FBN3: variants seen among roughly 807,000 people sequenced by gnomAD.
FBN3 encodes the protein fibrillin-3.
FBN3 carries 234 observed loss-of-function variants against 330.1 expected under a neutral mutation model. That is an observed-to-expected ratio of 0.71 (90% confidence interval 0.64 to 0.79). The LOEUF (loss-of-function observed/expected upper bound fraction) is 0.79, where lower values mean the gene tolerates loss of function less well. Ranked by LOEUF, FBN3 falls within the 30% of genes least tolerant of loss-of-function variation. The pLI, the probability that FBN3 is intolerant of heterozygous loss-of-function variation, is 0.00. For synonymous variants in FBN3, 1,458 were observed against 1,517.3 expected (o/e 0.96, Z 0.91); for missense variants, 3,606 against 3,886.9 (o/e 0.93, Z 1.92).
intron 27 of FBN3, 47 bp from the exon 28 acceptor site, chr19:8,117,338 C>T (rs1311382895): frequency 6.6e-7 from 1 of 1,516,244 alleles, no homozygotes; most frequent in East Asian, 2.5e-5. Flanking sequence ...GGGAGGGGTC[C>T]AGGATGGGGA....
At chr19:8,135,650 T>C (rs952163158) in intron 13 of FBN3, among the ~76,000 whole-genome samples, 1 of 151,926 alleles carries the variant, frequency 6.6e-6, no homozygotes, top group Non-Finnish European at 1.5e-5. Context: ...CTCAACCTTT[T>C]CAGCTCAAGA....
At chr19:8,135,936 G>GGGGGGGGGGGGGGGCCGCCCCC in intron 13 of FBN3, 25 bp downstream of exon 13, 1 of 668,778 alleles carries the variant, frequency 1.5e-6, no homozygotes, top group Non-Finnish European at 2.4e-6. Context: ...GGAAGCCCCT[G>GGGGGGGGGGGGGGGCCGCCCCC]CCCACCCGCC....
chr19:8,078,034 C>T (rs2081683579), intron 59 of FBN3, among the ~76,000 whole-genome samples: 1 of 152,074 alleles, frequency 6.6e-6, no homozygotes, highest in African/African-American at 2.4e-5. Context: ...TGAGATTGCA[C>T]CACTGCAATC....
rs755806732 is a variant in FBN3, at chr19:8,083,373, C to T, written c.7088-1G>A. On this transcript the variant is annotated splice_acceptor_variant, in intron 56 of 63. Coordinates refer to ENST00000600128, the MANE Select transcript of FBN3 (RefSeq NM_032447.5). LOFTEE classifies it high-confidence loss of function. ...GCAAGCATACGGCATTCATCTACAT[C>T]TGGGAAAAAGTAGGGTGCAAATGGG... The T allele has an allele frequency of 6.2e-7, 1 of 1,613,906 alleles. No individual in the cohort carries two copies. Among genetic ancestry groups the T allele is most frequent in the Admixed American group, 1.7e-5 (1 of 60,018 alleles).
intron 34 of FBN3, among the ~76,000 whole-genome samples, 188 bp downstream of exon 34, chr19:8,110,657 G>A (rs1228618752): frequency 6.6e-6 from 1 of 152,196 alleles, no homozygotes; most frequent in Non-Finnish European, 1.5e-5. Context: ...TTCAATCACA[G>A]AACTTATTTA....
At position 8,088,131 on chromosome 19, in the gene FBN3, G is replaced by A; in HGVS notation, c.6425C>T (p.Thr2142Ile). Residue 2142 changes from threonine (T) to isoleucine (I), a missense_variant, in exon 52 of 64, where the codon ACC becomes ATC. Physicochemically the swap from Thr to Ile is moderately conservative, Grantham distance 89. Transcript: ENST00000600128. ...ACATTCGAAGCCTCCGATGACATTG[G>A]TGCATGTCCCTTGCCCACAGGGGTG... ...VGHPCGQGTC[T>I]NVIGGFECAC... is the part of the protein sequence containing the mutation. 6.2e-7 allele frequency: 1 copy of A among 1,613,662 alleles called. No individual in the cohort carries two copies. Among genetic ancestry groups the A allele is most frequent in the Non-Finnish European group, 8.5e-7 (1 of 1,179,784 alleles).
At position 8,109,495 on chromosome 19, in the gene FBN3, C is replaced by T. The variant is rs537476746; in HGVS notation, c.4457-107G>A. ...CAGGTGACAAGGACAACCACTCTTG[C>T]AGGAGACCAGCAGATGTCCCGTTTG... On this transcript the variant is annotated intron_variant, in intron 35 of 63. Coordinates refer to ENST00000600128, the MANE Select transcript of FBN3 (RefSeq NM_032447.5). The surrounding 1 kb of genome is among the most constrained non-coding windows in gnomAD (Gnocchi z 5.2). 1.3e-6 allele frequency: 2 copies of T among 1,538,586 alleles called. No individual in the cohort carries two copies. Among genetic ancestry groups the T allele is most frequent in the African/African-American group, 1.4e-5 (1 of 73,856 alleles).
intron 18 of FBN3, among the ~76,000 whole-genome samples, chr19:8,127,059 G>GTTTTTTTTTTTTT (rs869282535): frequency 9.6e-6 from 1 of 103,890 alleles, no homozygotes; most frequent in African/African-American, 3.6e-5. Context: ...TTTTTTTTTT[G>GTTTTTTTTTTTTT]TTTTTTTTTT....
chr19:8,088,251 C>T, intron 51 of FBN3, 72 bp from the exon 52 acceptor site: 1 of 1,514,580 alleles, frequency 6.6e-7, no homozygotes, highest in East Asian at 2.3e-5. Context: ...CATCTGCCTG[C>T]CTGTTGACCA....
At chr19:8,097,054 T>C (rs1166058396) in intron 42 of FBN3, 48 bp from the exon 43 acceptor site, 3 of 1,595,034 alleles carry the variant, frequency 1.9e-6, no homozygotes, top group African/African-American at 2.7e-5. Context: ...AAGCCCATCC[T>C]GACAGAATCA....
chr19:8,136,358 C>T (rs1278463044), intron 11 of FBN3, 30 bp downstream of exon 11: 20 of 1,602,772 alleles, frequency 1.2e-5, no homozygotes, highest in African/African-American at 2.8e-5. Flanking sequence ...CAGTGAGAAC[C>T]GCCCCCCCTT....
At position 8,147,401 on chromosome 19, in the gene FBN3, G is replaced by A; in HGVS notation, c.80C>T (p.Ala27Val). 6.3e-7 allele frequency: 1 copy of A among 1,597,432 alleles called. No homozygotes were observed. The highest frequency in any genetic ancestry group is 8.5e-7 in the Non-Finnish European group (1 of 1,173,544). ...CCCGTCCCAGCGGCCTTGGCCACCT[G>A]CCATGCACAACAGGGCCGACCAGGC... ...LLAWSALLCM[A>V]GGQGRWDGAL... Residue 27 changes from alanine (A) to valine (V), a missense_variant, in exon 2 of 64, where the codon GCA becomes GTA. Ala to Val is a moderately conservative substitution (Grantham distance 64, BLOSUM62 0). Transcript: ENST00000600128.
Position 8,147,463 on chromosome 19 carries a change from C to T in FBN3, c.18G>A (p.Leu6=). Residue 6 remains leucine (L), a synonymous_variant, in exon 2 of 64, where the codon CTG becomes CTA. Coordinates refer to ENST00000600128, the MANE Select transcript of FBN3 (RefSeq NM_032447.5). ...GGGCCAGGGGGCCCCTTGCCAAATA[C>T]AGACCCTCCAGAGTCATGGCGTGTC... MTLEG[L]YLARGPLARL... is the part of the protein sequence containing the mutation. 1 of 1,535,050 alleles carries T rather than the reference C, an allele frequency of 6.5e-7. No individual in the cohort carries two copies. Among genetic ancestry groups the T allele is most frequent in the Non-Finnish European group, 8.7e-7 (1 of 1,143,146 alleles).
At chr19:8,108,758 G>C (rs1035092523) in intron 36 of FBN3, among the ~76,000 whole-genome samples, 2 of 151,904 alleles carry the variant, frequency 1.3e-5, no homozygotes, top group Non-Finnish European at 2.9e-5. Context: ...CCTCACTCAA[G>C]CCTCCTCCCC....
intron 32 of FBN3, 90 bp from the exon 33 acceptor site, chr19:8,111,273 G>A (rs1350001858): frequency 2.4e-5 from 35 of 1,455,720 alleles, no homozygotes; most frequent in South Asian, 5.5e-5. Flanking sequence ...GGAACACTTC[G>A]CTGTCAGCCA....
At chr19:8,081,502 A>G (rs2144622966) in intron 57 of FBN3, 22 bp from the exon 58 acceptor site, 1 of 1,585,748 alleles carries the variant, frequency 6.3e-7, no homozygotes, top group Non-Finnish European at 8.6e-7. Context: ...CAGCGTGGGT[A>G]GTGGGGCGGG....
chr19:8,136,212 C>T lies in FBN3; in HGVS notation c.1443G>A (p.Thr481=), dbSNP rs113424213. Residue 481 remains threonine (T), a synonymous_variant, in exon 12 of 64, where the codon ACG becomes ACA. Coordinates refer to ENST00000600128, the MANE Select transcript of FBN3 (RefSeq NM_032447.5). ...TACCCACGCATGCCTGCCTGGTGGG[C>T]GTGGCCTGGAAGCCCGGGTAGCACC... is the stretch of plus-strand genomic sequence containing the variant. ...HCRCYPGFQA[T]PTRQACVDVD... is the part of the protein sequence containing the mutation. 1.1e-5 allele frequency: 17 copies of T among 1,613,122 alleles called. No homozygotes were observed. Among genetic ancestry groups the T allele is most frequent in the Non-Finnish European group, 1.4e-5 (17 of 1,179,858 alleles).
In FBN3 at chr19:8,109,510, T is replaced by C. The variant is rs554533950; in HGVS notation, c.4456+121A>G. ...ACCACTCTTGCAGGAGACCAGCAGA[T>C]GTCCCGTTTGTCAGGAGCAGGTAGA... On this transcript the variant is annotated intron_variant, in intron 35 of 63. Transcript: ENST00000600128. This position sits in a 1 kb window ranked among gnomAD's most constrained non-coding sequence, Gnocchi z 5.2. The C allele has an allele frequency of 2.1e-5, 32 of 1,533,074 alleles. No homozygotes were observed. The highest frequency in any genetic ancestry group is 5.4e-5 in the African/African-American group (4 of 73,602). 95.0% of individuals were successfully genotyped at this position (1,533,074 alleles called of 1,614,324 possible).
At position 8,134,096 on chromosome 19, in the gene FBN3, G is replaced by A. The variant is rs182112130; in HGVS notation, c.1592-990C>T. ...AAAAAAAAAAAGAAAAAAAAAATCA[G>A]CCGGGCGTGGTGGTGGGTGCCTGTG... On this transcript the variant is annotated intron_variant, in intron 13 of 63. Transcript: ENST00000600128. Among the ~76,000 whole-genome samples, 618 of 150,980 alleles carry A rather than the reference G, an allele frequency of 4.1e-3. 12 individuals carry two copies. Among genetic ancestry groups the A allele is most frequent in the East Asian group, 3.1e-3 (16 of 5,106 alleles).
Sources: gnomAD v4.1 joint callset for allele counts (sites outside exome capture counted in the v4.1 genomes callset) on GRCh38, gnomAD v4.1.1 for gene constraint, Gnocchi (gnomAD v3.1) non-coding constraint, MANE v1.5 for transcripts, NCBI Gene and HGNC (gene_info 2026-07-23, HGNC 2026-07-21) for gene names.